The following TRAPPC10 variants were observed in gnomAD, a reference collection of about 807,000 sequenced individuals.
The protein encoded by TRAPPC10 is TRAPP 130 kDa subunit.
In TRAPPC10, 23 loss-of-function variants were observed where a neutral mutation model predicts 125.5. That is an observed-to-expected ratio of 0.18 (90% CI 0.13 to 0.26). TRAPPC10 has a LOEUF of 0.26. Among genes scored for constraint, TRAPPC10 ranks in the 10% least tolerant of loss-of-function variants. The pLI, the probability that TRAPPC10 is intolerant of heterozygous loss-of-function variation, is 1.00. For synonymous variants in TRAPPC10, 509 were observed against 518.0 expected (o/e 0.98, Z 0.24); for missense variants, 1,123 against 1,308.4 (o/e 0.86, Z 2.19).
intron 1 of TRAPPC10, among the ~76,000 whole-genome samples, chr21:44,021,305 A>G (rs180670750): frequency 6.6e-6 from 1 of 152,296 alleles, no homozygotes; most frequent in African/African-American, 2.4e-5. Context: ...GGGTTATGTC[A>G]GAGAGCAAAG....
At chr21:44,085,962 A>G (rs1270430618) in intron 15 of TRAPPC10, among the ~76,000 whole-genome samples, 1 of 152,162 alleles carries the variant, frequency 6.6e-6, no homozygotes, top group Non-Finnish European at 1.5e-5. Context: ...TTTTTCTGTT[A>G]TTCCCCCATT....
chr21:44,055,096 T>A (rs931683360), intron 4 of TRAPPC10, among the ~76,000 whole-genome samples: 2 of 152,100 alleles, frequency 1.3e-5, no homozygotes, highest in African/African-American at 4.8e-5. Context: ...TGAGGCGTGA[T>A]CACATTATTT....
chr21:44,050,582 A>G (rs912810333), intron 3 of TRAPPC10, among the ~76,000 whole-genome samples: 2 of 152,186 alleles, frequency 1.3e-5, no homozygotes, highest in African/African-American at 4.8e-5. Flanking sequence ...GCTTCCAGGC[A>G]TGGCGTGTTG....
At chr21:44,056,196 C>T (rs2035575980) in intron 5 of TRAPPC10, among the ~76,000 whole-genome samples, 1 of 152,100 alleles carries the variant, frequency 6.6e-6, no homozygotes, top group Admixed American at 6.5e-5. Flanking sequence ...AATTAATATC[C>T]ATGAGTCTGT....
intron 13 of TRAPPC10, among the ~76,000 whole-genome samples, chr21:44,080,704 A>AT (rs2037641237): frequency 6.6e-6 from 1 of 151,660 alleles, no homozygotes; most frequent in African/African-American, 2.4e-5. Flanking sequence ...TGCCCTGCTA[A>AT]TTTTTTGTAT....
chr21:44,030,071 T>C (rs1422980831), intron 1 of TRAPPC10, among the ~76,000 whole-genome samples: 1 of 152,214 alleles, frequency 6.6e-6, no homozygotes, highest in Non-Finnish European at 1.5e-5. Context: ...GCGAGAGACA[T>C]TGCTACTTGG....
chr21:44,042,460 G>A (rs1038075061), intron 3 of TRAPPC10, among the ~76,000 whole-genome samples: 1 of 151,974 alleles, frequency 6.6e-6, no homozygotes, highest in Non-Finnish European at 1.5e-5. Flanking sequence ...GAAATTTCTA[G>A]CTTTATTGCA....
At chr21:44,044,803 A>AG (rs1322732691) in intron 3 of TRAPPC10, among the ~76,000 whole-genome samples, 1 of 151,206 alleles carries the variant, frequency 6.6e-6, no homozygotes, top group Non-Finnish European at 1.5e-5. Context: ...AGCTGAGATT[A>AG]CAGGCGTCTG....
chr21:44,028,872 C>T (rs1014729257), intron 1 of TRAPPC10, among the ~76,000 whole-genome samples: 1 of 152,182 alleles, frequency 6.6e-6, no homozygotes, highest in South Asian at 2.1e-4. Context: ...TGCTGGGTTT[C>T]GCTCATGCCT....
At chr21:44,030,883 A>G (rs973369951) in intron 1 of TRAPPC10, among the ~76,000 whole-genome samples, 1 of 152,202 alleles carries the variant, frequency 6.6e-6, no homozygotes, top group Non-Finnish European at 1.5e-5. Flanking sequence ...TTTAACCACT[A>G]TGTGCCATGC....
At position 44,040,388 on chromosome 21, in the gene TRAPPC10, G is replaced by A. The variant is rs150620934; in HGVS notation, c.285+2461G>A. Among the ~76,000 whole-genome samples, 28 of 151,742 alleles carry A rather than the reference G, an allele frequency of 1.8e-4. No individual in the cohort carries two copies. The East Asian group carries it at 4.8e-3, about 26-fold the overall frequency. On this transcript the variant is annotated intron_variant, in intron 3 of 22. Transcript: ENST00000291574. Reference sequence around the variant, plus strand: ...GACAAGGTCTTATTCTGTCACTCAGGCCAGAGTGCAGTGGTGGGTTCTTGG... The same window carrying A: ...GACAAGGTCTTATTCTGTCACTCAGACCAGAGTGCAGTGGTGGGTTCTTGG...
At position 44,087,829 on chromosome 21, in the gene TRAPPC10, A is replaced by G. The variant is rs758177090; in HGVS notation, c.2670A>G (p.Ala890=). Residue 890 remains alanine (A), a synonymous_variant, in exon 17 of 23, where the codon GCA becomes GCG. Coordinates refer to ENST00000291574, the MANE Select transcript of TRAPPC10 (RefSeq NM_003274.5). This position sits in a 1 kb window ranked among gnomAD's most constrained non-coding sequence, Gnocchi z 4.6. ...TTCTCTCTTTACCTTCAGCCCCAGCACTCGGAGGGGAGAGTGACATGCTGG... is the reference window on the plus strand; with the variant it reads ...TTCTCTCTTTACCTTCAGCCCCAGCGCTCGGAGGGGAGAGTGACATGCTGG... ...LEVLSLPSAP[A]LGGESDMLGM... 6.2e-7 allele frequency: 1 copy of G among 1,614,204 alleles called. No homozygotes were observed. The highest frequency in any genetic ancestry group is 1.7e-5 in the Admixed American group (1 of 60,012).
chr21:44,039,790 G>A (rs2034283867), intron 3 of TRAPPC10, among the ~76,000 whole-genome samples: 2 of 152,198 alleles, frequency 1.3e-5, no homozygotes, highest in Admixed American at 1.3e-4. Context: ...GCTTGAACCT[G>A]GGAGTGGAGG....
At chr21:44,090,013 C>G (rs1377106863) in intron 18 of TRAPPC10, 80 bp downstream of exon 18, 6 of 1,120,122 alleles carry the variant, frequency 5.4e-6, no homozygotes, top group Non-Finnish European at 6.6e-6. Flanking sequence ...TCAAAACTGG[C>G]CTTCGTGGTG....
chr21:44,013,707 C>T (rs1000347896), intron 1 of TRAPPC10, among the ~76,000 whole-genome samples: 2 of 152,130 alleles, frequency 1.3e-5, no homozygotes, highest in Non-Finnish European at 2.9e-5. Context: ...TTTATTTTGT[C>T]TCTTCTCCTC....
intron 5 of TRAPPC10, among the ~76,000 whole-genome samples, chr21:44,058,230 AGGAGTTT>A (rs1483956606): frequency 6.6e-6 from 1 of 152,254 alleles, no homozygotes; most frequent in East Asian, 1.9e-4. Flanking sequence ...CCAGAGCTGA[AGGAGTTT>A]GGAGAGCAAG....
chr21:44,077,545 G>A (rs1215828226), intron 10 of TRAPPC10, 148 bp from the exon 11 acceptor site: 11 of 489,294 alleles, frequency 2.2e-5, no homozygotes, highest in East Asian at 7.1e-5. Context: ...AGATCTCACC[G>A]CTGTGCTCCA....
chr21:44,054,853 T>C (rs2035460482), intron 4 of TRAPPC10, among the ~76,000 whole-genome samples: 1 of 152,106 alleles, frequency 6.6e-6, no homozygotes, highest in Non-Finnish European at 1.5e-5. Flanking sequence ...AGCAGCAGTG[T>C]GGGCAGAGCA....
intron 1 of TRAPPC10, among the ~76,000 whole-genome samples, chr21:44,022,591 T>C (rs995761161): frequency 6.6e-6 from 1 of 150,906 alleles, no homozygotes; most frequent in Non-Finnish European, 1.5e-5. Context: ...TGGGATTACA[T>C]GTGTGAGCCA....
Sources: allele counts gnomAD v4.1 joint callset (sites outside exome capture counted in the v4.1 genomes callset), GRCh38; gene constraint gnomAD v4.1.1; non-coding constraint Gnocchi (gnomAD v3.1); transcripts MANE v1.5; gene names NCBI Gene and HGNC (gene_info 2026-07-23, HGNC 2026-07-21).